The following RBMS1 variants were observed in gnomAD, a reference collection of about 807,000 sequenced individuals.
RBMS1 encodes RNA binding motif single stranded interacting protein 1.
Under a neutral mutation model 62.3 loss-of-function variants are expected in RBMS1, and 17 were observed. That is an observed-to-expected ratio of 0.27 (90% confidence interval 0.19 to 0.41). The LOEUF (loss-of-function observed/expected upper bound fraction) is 0.41. Ranked by LOEUF, RBMS1 falls within the 10% of genes least tolerant of loss-of-function variation. RBMS1 has a pLI of 1.00. For synonymous variants in RBMS1, 172 were observed against 170.0 expected (o/e 1.01, Z -0.09); for missense variants, 334 against 504.5 (o/e 0.66, Z 3.24).
chr2:160,467,250 T>C (rs923161934), intron 1 of RBMS1, among the ~76,000 whole-genome samples: 1 of 148,864 alleles, frequency 6.7e-6, no homozygotes, highest in Admixed American at 6.7e-5. Flanking sequence ...CTGTGAGGAA[T>C]GCAAAATGAA....
At chr2:160,456,227 A>G (rs1362264920) in intron 1 of RBMS1, among the ~76,000 whole-genome samples, 1 of 152,200 alleles carries the variant, frequency 6.6e-6, no homozygotes, top group Admixed American at 6.5e-5. Flanking sequence ...CACACACTAC[A>G]TGTTAGGTAC....
At chr2:160,425,978 A>T (rs1014953200) in intron 1 of RBMS1, among the ~76,000 whole-genome samples, 1 of 152,158 alleles carries the variant, frequency 6.6e-6, no homozygotes, top group Admixed American at 6.5e-5. Flanking sequence ...TGCTTCTTGT[A>T]AGTTAGTACT....
intron 2 of RBMS1, among the ~76,000 whole-genome samples, chr2:160,339,864 A>T (rs776437703): frequency 6.6e-6 from 1 of 152,170 alleles, no homozygotes; most frequent in African/African-American, 2.4e-5. Context: ...ACTGCTCATC[A>T]AATGTTCACA....
chr2:160,353,738 T>C (rs1368450054), intron 2 of RBMS1, among the ~76,000 whole-genome samples: 2 of 152,000 alleles, frequency 1.3e-5, no homozygotes, highest in Admixed American at 1.3e-4. Flanking sequence ...TCCAAAAAGG[T>C]CATTTAACCT....
chr2:160,479,712 C>G (rs897950846), intron 1 of RBMS1, among the ~76,000 whole-genome samples: 4 of 152,154 alleles, frequency 2.6e-5, no homozygotes, highest in African/African-American at 7.2e-5. Flanking sequence ...CTCTGGGTAG[C>G]CTTTCTCATC....
intron 1 of RBMS1, among the ~76,000 whole-genome samples, chr2:160,402,395 AT>A (rs970763640): frequency 2.0e-5 from 3 of 152,090 alleles, no homozygotes; most frequent in Non-Finnish European, 2.9e-5. Flanking sequence ...TATTATCATG[AT>A]TTTTTTTATA....
At chr2:160,303,917 T>C (rs551851233) in intron 4 of RBMS1, among the ~76,000 whole-genome samples, 2 of 152,310 alleles carry the variant, frequency 1.3e-5, no homozygotes, top group South Asian at 4.1e-4. Flanking sequence ...GACCAAGTCA[T>C]CTAGCATCCA....
chr2:160,399,824 C>T (rs188410752), intron 1 of RBMS1, among the ~76,000 whole-genome samples: 4 of 151,952 alleles, frequency 2.6e-5, no homozygotes, highest in African/African-American at 4.8e-5. Flanking sequence ...AAATGCTGGA[C>T]GATAGGACCG....
chr2:160,348,520 T>C (rs1692310247), intron 2 of RBMS1, among the ~76,000 whole-genome samples: 2 of 151,982 alleles, frequency 1.3e-5, no homozygotes, highest in African/African-American at 4.8e-5. Context: ...AAGGCAAAAA[T>C]GAGGCAGGAA....
At chr2:160,315,013 A>C (rs1690134045) in intron 3 of RBMS1, among the ~76,000 whole-genome samples, 2 of 152,182 alleles carry the variant, frequency 1.3e-5, no homozygotes, top group Non-Finnish European at 2.9e-5. Flanking sequence ...TGGATATTTA[A>C]GTTTTTTCCT....
At chr2:160,478,589 C>T (rs1559602037) in intron 1 of RBMS1, among the ~76,000 whole-genome samples, 1 of 152,158 alleles carries the variant, frequency 6.6e-6, no homozygotes, top group Non-Finnish European at 1.5e-5. Context: ...TGTAAATGAA[C>T]TAAGGTGGCA....
At chr2:160,409,672 C>G (rs751788464) in intron 1 of RBMS1, among the ~76,000 whole-genome samples, 7 of 152,164 alleles carry the variant, frequency 4.6e-5, no homozygotes, top group Non-Finnish European at 8.8e-5. Context: ...CCTGTACAAC[C>G]TCAGTTGTCA....
At chr2:160,433,886 T>C (rs904340410) in intron 1 of RBMS1, among the ~76,000 whole-genome samples, 1 of 152,268 alleles carries the variant, frequency 6.6e-6, no homozygotes, top group African/African-American at 2.4e-5. Flanking sequence ...TCTAGGAACA[T>C]GTCTGTGCAA....
intron 1 of RBMS1, among the ~76,000 whole-genome samples, chr2:160,484,815 A>G (rs796249124): frequency 9.8e-4 from 147 of 150,460 alleles, no homozygotes; most frequent in African/African-American, 3.1e-3. Context: ...AGCTTGCAGT[A>G]AGCTGAGATT....
intron 3 of RBMS1, among the ~76,000 whole-genome samples, chr2:160,316,036 G>A (rs1286811646): frequency 6.6e-6 from 1 of 151,842 alleles, no homozygotes; most frequent in Non-Finnish European, 1.5e-5. Context: ...TATAACACAA[G>A]TACCTTTCAT....
At chr2:160,368,610 C>T (rs977376386) in intron 1 of RBMS1, among the ~76,000 whole-genome samples, 53 of 152,254 alleles carry the variant, frequency 3.5e-4, no homozygotes, top group African/African-American at 1.3e-3. Flanking sequence ...TCCATAATAT[C>T]TCAACATATG....
chr2:160,447,196 C>T (rs116610482), intron 1 of RBMS1, among the ~76,000 whole-genome samples: 147 of 152,078 alleles, frequency 9.7e-4, no homozygotes, highest in African/African-American at 3.2e-3. Context: ...CTTCAAGGTC[C>T]GAGAATGTGG....
intron 1 of RBMS1, among the ~76,000 whole-genome samples, chr2:160,443,502 G>T (rs1286974598): frequency 6.6e-6 from 1 of 151,816 alleles, no homozygotes; most frequent in African/African-American, 2.4e-5. Context: ...TGATGAGTGA[G>T]CTCTTGATCT....
chr2:160,346,782 T>A (rs1559418397), intron 2 of RBMS1, among the ~76,000 whole-genome samples: 1 of 152,090 alleles, frequency 6.6e-6, no homozygotes, highest in Non-Finnish European at 1.5e-5. Flanking sequence ...TCTTAGACAA[T>A]AACAAAATCC....
Sources: allele counts gnomAD v4.1 joint callset (sites outside exome capture counted in the v4.1 genomes callset), GRCh38; gene constraint gnomAD v4.1.1; transcripts MANE v1.5; gene names NCBI Gene and HGNC (gene_info 2026-07-23, HGNC 2026-07-21).